Variants in ZFPM2 observed in about 807,000 individuals in gnomAD.
ZFPM2 encodes zinc finger protein, FOG family member 2, also known as zinc finger protein ZFPM2.
Under a neutral mutation model 98.6 loss-of-function variants are expected in ZFPM2, and 20 were observed. That is an observed-to-expected ratio of 0.20 (90% confidence interval 0.14 to 0.29). ZFPM2 has a LOEUF of 0.29. Among genes scored for constraint, ZFPM2 ranks in the 10% least tolerant of loss-of-function variants. ZFPM2 has a pLI of 1.00. For synonymous variants in ZFPM2, 518 were observed against 502.7 expected, an observed-to-expected ratio of 1.03 and a Z score of -0.41; for missense variants, 1,310 against 1,388.6, an observed-to-expected ratio of 0.94 and a Z score of 0.90.
rs181597452 is a variant in ZFPM2, at chr8:105,431,049, G to A, written c.199+11747G>A. ...CTCCTGAGTAGCTGGGACTACAGGCGCCCCCCACCATGCCTGGATAATTTT... is the reference window on the plus strand; with the variant it reads ...CTCCTGAGTAGCTGGGACTACAGGCACCCCCCACCATGCCTGGATAATTTT... On this transcript the variant is annotated intron_variant, in intron 2 of 7. Coordinates refer to ENST00000407775, the MANE Select transcript of ZFPM2 (RefSeq NM_012082.4). Among the ~76,000 whole-genome samples, 128 of 151,788 alleles carry A rather than the reference G, an allele frequency of 8.4e-4. No homozygotes were observed. In the East Asian group the frequency reaches 0.016, roughly 18 times the overall value.
At chr8:105,748,383 G>T (rs1246448478) in intron 5 of ZFPM2, among the ~76,000 whole-genome samples, 1 of 151,940 alleles carries the variant, frequency 6.6e-6, no homozygotes, top group African/African-American at 2.4e-5. Context: ...TAAATATTAG[G>T]CTAAGGTTTA....
intron 4 of ZFPM2, among the ~76,000 whole-genome samples, chr8:105,587,617 A>G (rs908317329): frequency 6.6e-6 from 1 of 150,452 alleles, no homozygotes; most frequent in Non-Finnish European, 1.5e-5. Context: ...GTCTCTTTTC[A>G]GGTTTCTGAA....
intron 1 of ZFPM2, among the ~76,000 whole-genome samples, chr8:105,335,225 G>T (rs1359879244): frequency 6.6e-6 from 1 of 151,744 alleles, no homozygotes; most frequent in African/African-American, 2.4e-5. Flanking sequence ...GAACATTAAT[G>T]CAACTTGAGA....
chr8:105,567,963 AT>A (rs1815274516), intron 4 of ZFPM2, among the ~76,000 whole-genome samples: 1 of 151,948 alleles, frequency 6.6e-6, no homozygotes. Flanking sequence ...CTTAATATTC[AT>A]TTTAATCTGG....
chr8:105,692,697 C>G (rs913538085), intron 5 of ZFPM2, among the ~76,000 whole-genome samples: 1 of 152,174 alleles, frequency 6.6e-6, no homozygotes, highest in Non-Finnish European at 1.5e-5. Flanking sequence ...GTACCATGCT[C>G]ATTTTGGAAT....
chr8:105,462,913 C>T (rs941248373), intron 3 of ZFPM2, among the ~76,000 whole-genome samples: 3 of 151,854 alleles, frequency 2.0e-5, no homozygotes, highest in African/African-American at 4.8e-5. Flanking sequence ...GATACTAGCT[C>T]AGTTCAAGTT....
chr8:105,366,689 T>TC (rs1276104070), intron 1 of ZFPM2, among the ~76,000 whole-genome samples: 2 of 112,432 alleles, frequency 1.8e-5, no homozygotes, highest in Non-Finnish European at 3.4e-5. Context: ...CCCACCATAG[T>TC]CCCCAGAGTG....
intron 1 of ZFPM2, among the ~76,000 whole-genome samples, chr8:105,404,545 G>T (rs1811403680): frequency 6.6e-6 from 1 of 151,998 alleles, no homozygotes; most frequent in Non-Finnish European, 1.5e-5. Flanking sequence ...AGTCTGTGCA[G>T]TTCTTAAGTA....
chr8:105,638,933 C>T (rs914653373), intron 5 of ZFPM2, among the ~76,000 whole-genome samples: 2 of 152,052 alleles, frequency 1.3e-5, no homozygotes, highest in African/African-American at 4.8e-5. Context: ...TCCTGCCTCA[C>T]CTACCCCTTG....
At chr8:105,527,060 A>G (rs116435535) in intron 3 of ZFPM2, among the ~76,000 whole-genome samples, 1,584 of 152,264 alleles carry the variant, frequency 0.01, 28 homozygotes, top group African/African-American at 0.036. Context: ...CAAATTGCAT[A>G]GAACAGTGCC....
At chr8:105,424,158 A>T (rs1362644253) in intron 2 of ZFPM2, among the ~76,000 whole-genome samples, 1 of 152,220 alleles carries the variant, frequency 6.6e-6, no homozygotes, top group Non-Finnish European at 1.5e-5. Context: ...ATTACAAAAA[A>T]CAAAGATAAC....
chr8:105,542,335 C>T (rs1011994296), intron 3 of ZFPM2, among the ~76,000 whole-genome samples: 2 of 152,052 alleles, frequency 1.3e-5, no homozygotes, highest in Admixed American at 6.6e-5. Flanking sequence ...ATATTTGCTT[C>T]AGTTGTTGAT....
intron 1 of ZFPM2, among the ~76,000 whole-genome samples, chr8:105,340,319 A>G (rs1490650851): frequency 6.6e-6 from 1 of 151,910 alleles, no homozygotes; most frequent in East Asian, 1.9e-4. Context: ...GCCTTGGGGA[A>G]ATTGGAAAAT....
intron 1 of ZFPM2, among the ~76,000 whole-genome samples, chr8:105,372,308 C>T (rs1406403433): frequency 6.6e-6 from 1 of 151,986 alleles, no homozygotes; most frequent in Non-Finnish European, 1.5e-5. Flanking sequence ...TCCCAAAGTG[C>T]TGGGATTACA....
At position 105,416,211 on chromosome 8, in the gene ZFPM2, A is replaced by C. The variant is rs1426643312; in HGVS notation, c.41-2933A>C. On this transcript the variant is annotated intron_variant, in intron 1 of 7. Transcript: ENST00000407775. ...TGACTTTGACATTTAAGAATAAAAA[A>C]ATGCTTTATGTGTACATTTTTCTTT... 2.6e-5 allele frequency among the ~76,000 whole-genome samples: 4 copies of C among 151,790 alleles called. No homozygotes were observed. The East Asian group carries it at 7.8e-4, about 29-fold the overall frequency.
chr8:105,579,898 A>AAT (rs1433823617), intron 4 of ZFPM2, among the ~76,000 whole-genome samples: 2 of 152,114 alleles, frequency 1.3e-5, no homozygotes, highest in Non-Finnish European at 2.9e-5. Context: ...AAAAGACTCA[A>AAT]ATATAGCTGT....
At chr8:105,498,080 A>G (rs1813513222) in intron 3 of ZFPM2, among the ~76,000 whole-genome samples, 1 of 150,558 alleles carries the variant, frequency 6.6e-6, no homozygotes, top group Non-Finnish European at 1.5e-5. Context: ...TGCTTGTGGT[A>G]CCAGTTACTT....
chr8:105,319,230 G>A (rs1232629312), intron 1 of ZFPM2, among the ~76,000 whole-genome samples: 1 of 152,146 alleles, frequency 6.6e-6, no homozygotes, highest in East Asian at 1.9e-4. Flanking sequence ...CAGCCCTCGC[G>A]CTCCCGGGCT....
At chr8:105,369,853 T>A (rs1313703064) in intron 1 of ZFPM2, among the ~76,000 whole-genome samples, 1 of 152,138 alleles carries the variant, frequency 6.6e-6, no homozygotes, top group African/African-American at 2.4e-5. Flanking sequence ...CAAGAGCTTA[T>A]AATGTTAGAA....
Sources: gnomAD v4.1 joint callset for allele counts (sites outside exome capture counted in the v4.1 genomes callset) on GRCh38, gnomAD v4.1.1 for gene constraint, MANE v1.5 for transcripts, NCBI Gene and HGNC (gene_info 2026-07-23, HGNC 2026-07-21) for gene names.